Variants in ZBTB40 observed in about 807,000 individuals in gnomAD.
The protein encoded by ZBTB40 is zinc finger and BTB domain containing 40.
Under a neutral mutation model 117.5 loss-of-function variants are expected in ZBTB40, and 60 were observed. The ratio of observed to expected loss-of-function variants is 0.51; its 90% CI spans 0.41 to 0.63. The LOEUF (loss-of-function observed/expected upper bound fraction) is 0.63. ZBTB40 is among the 30% of genes least tolerant of loss of function. ZBTB40 has a pLI of 0.00. For missense variants in ZBTB40, 1,287 were observed against 1,498.5 expected (o/e 0.86, Z 2.33); for synonymous variants, 525 against 577.1 (o/e 0.91, Z 1.29).
At chr1:22,492,917 A>G (rs901603890) in intron 3 of ZBTB40, among the ~76,000 whole-genome samples, 1 of 152,212 alleles carries the variant, frequency 6.6e-6, no homozygotes, top group African/African-American at 2.4e-5. Flanking sequence ...TTACCTTGAT[A>G]GCTTCTAAAC....
At chr1:22,489,205 C>T (rs1486125091) in intron 1 of ZBTB40, among the ~76,000 whole-genome samples, 1 of 152,030 alleles carries the variant, frequency 6.6e-6, no homozygotes, top group Non-Finnish European at 1.5e-5. Flanking sequence ...AAGCTGTCAG[C>T]ATTTAGATGA....
intron 1 of ZBTB40, among the ~76,000 whole-genome samples, chr1:22,483,078 C>CA (rs35793167): frequency 0.37 from 47,913 of 128,872 alleles, 10,068 homozygotes; most frequent in African/African-American, 0.6. Flanking sequence ...GACTCCGTCT[C>CA]AAAAAAAAAA....
chr1:22,440,783 T>G (rs1425461096), intron 1 of ZBTB40, among the ~76,000 whole-genome samples: 1 of 152,204 alleles, frequency 6.6e-6, no homozygotes, highest in African/African-American at 2.4e-5. Flanking sequence ...TATATTACAT[T>G]GAGCTTTGTA....
At chr1:22,505,705 A>G (rs370986487) in intron 5 of ZBTB40, among the ~76,000 whole-genome samples, 1 of 152,248 alleles carries the variant, frequency 6.6e-6, no homozygotes, top group Non-Finnish European at 1.5e-5. Context: ...CGTCCAGACA[A>G]GCCACATCTA....
chr1:22,487,515 T>C (rs1182717975), intron 1 of ZBTB40, among the ~76,000 whole-genome samples: 1 of 152,162 alleles, frequency 6.6e-6, no homozygotes, highest in Non-Finnish European at 1.5e-5. Context: ...CATCTTATCA[T>C]CCACCCATTC....
chr1:22,523,183 C>T (rs969166696), intron 16 of ZBTB40, among the ~76,000 whole-genome samples: 2 of 151,850 alleles, frequency 1.3e-5, no homozygotes, highest in African/African-American at 4.8e-5. Flanking sequence ...GATCTCCTGA[C>T]CTCATGATCC....
chr1:22,433,448 A>AC (rs1557469808), intron 1 of ZBTB40, among the ~76,000 whole-genome samples: 4 of 141,246 alleles, frequency 2.8e-5, no homozygotes, highest in South Asian at 2.3e-4. Flanking sequence ...AAAAAAAAAA[A>AC]AAAAAAAAAG....
intron 1 of ZBTB40, among the ~76,000 whole-genome samples, chr1:22,461,157 T>C (rs1335731674): frequency 6.6e-6 from 1 of 152,220 alleles, no homozygotes; most frequent in African/African-American, 2.4e-5. Flanking sequence ...TACTTTTGAA[T>C]GTTGCTCTGA....
upstream of ZBTB40, chr1:22,451,746 G>GC (rs59287834): frequency 0.4 from 60,100 of 152,060 alleles, 14,797 homozygotes; most frequent in African/African-American, 0.67. Flanking sequence ...CAACCAGCCG[G>GC]CCCCCGCCGT....
At position 22,509,140 on chromosome 1, in the gene ZBTB40, G is replaced by A. The variant is rs774863478; in HGVS notation, c.1740G>A (p.Arg580=). Reference sequence around the variant, plus strand: ...ATGCCACTTTAGAAACAATCCTGAGGCATAACCAGTTGATCTTGGAGGCCA... The same window carrying A: ...ATGCCACTTTAGAAACAATCCTGAGACATAACCAGTTGATCTTGGAGGCCA... ...PEHATLETIL[R]HNQLILEAIQ... is the part of the protein sequence containing the mutation. Residue 580 remains arginine (R), a synonymous_variant, in exon 9 of 18, where the codon AGG becomes AGA. Transcript: ENST00000375647. The A allele has an allele frequency of 3.7e-6, 6 of 1,613,972 alleles. No individual in the cohort carries two copies. In the African/African-American group the frequency reaches 8.0e-5, roughly 22 times the overall value.
intron 1 of ZBTB40, among the ~76,000 whole-genome samples, chr1:22,433,450 A>C (rs1281996133): frequency 8.5e-5 from 12 of 140,782 alleles, no homozygotes; most frequent in African/African-American, 2.3e-4. Context: ...AAAAAAAAAA[A>C]AAAAAAAGAC....
intron 1 of ZBTB40, among the ~76,000 whole-genome samples, chr1:22,482,984 C>A (rs1332447284): frequency 6.6e-6 from 1 of 150,652 alleles, no homozygotes; most frequent in Non-Finnish European, 1.5e-5. Flanking sequence ...GAGGCTGAGG[C>A]AGGAGAATGG....
chr1:22,463,264 AG>A lies in ZBTB40; in HGVS notation c.-70+11261del, dbSNP rs199852692. On this transcript the variant is annotated intron_variant, in intron 1 of 17. Coordinates refer to ENST00000375647, the MANE Select transcript of ZBTB40 (RefSeq NM_014870.4). Reference sequence around the variant, plus strand: ...TAGAGCACATAGCCGCTGGCATCACAGTGCCTGGTGTGTTACTCTTTAGTTG... The same window carrying A: ...TAGAGCACATAGCCGCTGGCATCACATGCCTGGTGTGTTACTCTTTAGTTG... Among the ~76,000 whole-genome samples the A allele has an allele frequency of 8.9e-4, 136 of 152,294 alleles. 2 individuals are homozygous for A. The East Asian group carries it at 0.023, about 26-fold the overall frequency.
chr1:22,498,308 G>C (rs1178211107), intron 3 of ZBTB40, among the ~76,000 whole-genome samples: 1 of 152,206 alleles, frequency 6.6e-6, no homozygotes, highest in Non-Finnish European at 1.5e-5. Context: ...GATAGTAATT[G>C]ATGAATCCCT....
rs1638599445 is a variant in ZBTB40, at chr1:22,490,549, G to A, written c.601G>A (p.Glu201Lys). 6.2e-7 allele frequency: 1 copy of A among 1,612,994 alleles called. No homozygotes were observed. The highest frequency in any genetic ancestry group is 1.7e-5 in the Admixed American group (1 of 59,806). The part of the protein sequence containing the change: ...PTAQESQRNA[E>K]TPAETPTTAE... ...AGCCCAGGAGAGCCAGAGGAATGCA[G>A]AAACCCCAGCGGAGACTCCTACTAC... The change falls in exon 2 of 18, where the codon GAA (glutamate) becomes AAA (lysine). Residue 201 changes from glutamate (E) to lysine (K), a missense_variant. Glu to Lys is a moderately conservative substitution (Grantham distance 56). Transcript: ENST00000375647.
chr1:22,487,625 C>G (rs1638505819), intron 1 of ZBTB40, among the ~76,000 whole-genome samples: 1 of 151,982 alleles, frequency 6.6e-6, no homozygotes. Flanking sequence ...TTGGCTCTCT[C>G]CTATTACCAG....
intron 1 of ZBTB40, among the ~76,000 whole-genome samples, chr1:22,457,811 T>C (rs1641038214): frequency 6.6e-6 from 1 of 152,248 alleles, no homozygotes; most frequent in East Asian, 1.9e-4. Context: ...TCTAACCTGC[T>C]AATTTCGTCC....
Position 22,509,224 on chromosome 1 carries a change from T to C in ZBTB40, c.1824T>C (p.Thr608=). The change falls in exon 9 of 18, where the codon ACT becomes ACC. Residue 608 remains threonine, a synonymous_variant. Coordinates refer to ENST00000375647, the MANE Select transcript of ZBTB40 (RefSeq NM_014870.4). The stretch of plus-strand genomic sequence containing the variant: ...CGGAGGAGGAGCACCTGGCAGAGAC[T>C]GTGAAAGAGGTGTGGTGGGAATAAA... ...FTSEEEHLAE[T]VKEILSIPSE... is the part of the protein sequence containing the mutation. The C allele has an allele frequency of 6.2e-7, 1 of 1,614,176 alleles. No homozygotes were observed. The highest frequency in any genetic ancestry group is 8.5e-7 in the Non-Finnish European group (1 of 1,180,008).
At position 22,526,978 on chromosome 1, in the gene ZBTB40, C is replaced by A. The variant is rs942557053; in HGVS notation, c.*582C>A. On this transcript the variant is annotated 3_prime_UTR_variant, in exon 18 of 18. Transcript: ENST00000375647. ...CCCTCCACCCAGTGGCCACGCCCAG[C>A]ACCCTATTGATGGCTATAGGACAGG... The A allele has an allele frequency of 3.6e-5, 7 of 195,022 alleles. No homozygotes were observed. The highest frequency in any genetic ancestry group is 1.6e-4 in the African/African-American group (7 of 42,878). 12.1% of individuals were successfully genotyped at this position (195,022 alleles called of 1,614,324 possible).
Sources: gnomAD v4.1 joint callset for allele counts (sites outside exome capture counted in the v4.1 genomes callset) on GRCh38, gnomAD v4.1.1 for gene constraint, MANE v1.5 for transcripts, NCBI Gene and HGNC (gene_info 2026-07-23, HGNC 2026-07-21) for gene names.